Variants in CCDC198 observed in about 807,000 individuals in gnomAD.
CCDC198 encodes factor associated with metabolism and energy.
In CCDC198, 18 loss-of-function variants were observed where a neutral mutation model predicts 35.6. The observed-to-expected ratio is 0.51, with a 90% confidence interval of 0.35 to 0.75. The LOEUF is 0.75. CCDC198 is among the 30% of genes least tolerant of loss of function. The pLI is 0.01. For synonymous variants in CCDC198, 119 were observed against 113.4 expected (o/e 1.05, Z -0.31); for missense variants, 365 against 343.7 (o/e 1.06, Z -0.49).
At chr14:57,488,044 A>T (rs1387092267) in intron 2 of CCDC198, among the ~76,000 whole-genome samples, 2 of 152,162 alleles carry the variant, frequency 1.3e-5, no homozygotes, top group Non-Finnish European at 2.9e-5. Context: ...TCATGAGCAA[A>T]GCTGAGCCGA....
chr14:57,478,043 T>A (rs2067061983), intron 5 of CCDC198, among the ~76,000 whole-genome samples: 1 of 152,202 alleles, frequency 6.6e-6, no homozygotes, highest in Non-Finnish European at 1.5e-5. Context: ...TGTGCACTAC[T>A]GATGCAGCTA....
rs185062695 is a variant in CCDC198 at position 57,473,463 on chromosome 14, G to A, written c.656-1873C>T. 3.6e-3 allele frequency among the ~76,000 whole-genome samples: 542 copies of A among 152,246 alleles called. 5 individuals are homozygous for A. Among genetic ancestry groups the A allele is most frequent in the African/African-American group, 0.012 (517 of 41,546 alleles). ...CCATTGTCTGCCTAATTGTTCAAGA[G>A]AAACCCAGGAATCTACCTGGCCTCC... On this transcript the variant is annotated intron_variant, in intron 5 of 5. Coordinates refer to ENST00000216445, the MANE Select transcript of CCDC198 (RefSeq NM_018168.4).
chr14:57,493,694 T>A lies in CCDC198; in HGVS notation c.22A>T (p.Thr8Ser). ...GCTACTTTGATCACCCTAAGGTGAGTCTTAGAGTGACTCAGGCCCATTTCA... is the reference window on the plus strand; with the variant it reads ...GCTACTTTGATCACCCTAAGGTGAGACTTAGAGTGACTCAGGCCCATTTCA... Reference protein sequence around the residue: MGLSHSKTHLRVIKVAPL... With the variant: MGLSHSKSHLRVIKVAPL... The change falls in exon 1 of 6, where the codon ACT becomes TCT. Residue 8 changes from threonine to serine, a missense_variant. Transcript: ENST00000216445. The A allele has an allele frequency of 1.2e-6, 2 of 1,613,140 alleles. No homozygotes were observed. The highest frequency in any genetic ancestry group is 2.2e-5 in the East Asian group (1 of 44,848).
At chr14:57,474,190 C>T (rs1397594459) in intron 5 of CCDC198, among the ~76,000 whole-genome samples, 1 of 152,180 alleles carries the variant, frequency 6.6e-6, no homozygotes, top group Non-Finnish European at 1.5e-5. Context: ...TTGGTATGTG[C>T]TAAATAAATA....
intron 2 of CCDC198, among the ~76,000 whole-genome samples, chr14:57,489,294 T>C (rs1235455881): frequency 6.6e-6 from 1 of 152,114 alleles, no homozygotes; most frequent in Non-Finnish European, 1.5e-5. Context: ...AAACACTACA[T>C]GTTCTCACTT....
Position 57,478,889 on chromosome 14 carries a change from C to A in CCDC198, c.655+1706G>T, listed in dbSNP as rs1013941067. The A allele has an allele frequency of 7.5e-6, 9 of 1,195,324 alleles. No homozygotes were observed. The African/African-American group carries it at 1.1e-4, about 15-fold the overall frequency. The allele number at this position is 1,195,324 out of a possible 1,614,324, so 74.0% of individuals were successfully genotyped here. ...CAGGCAATTTTGCGTCTTAGAAGTT[C>A]AAGACCTCCAGAGACATAGCCAGCT... is the stretch of plus-strand genomic sequence containing the variant. On this transcript the variant is annotated intron_variant, in intron 5 of 5. Transcript: ENST00000216445.
rs577609146 is a variant in CCDC198, at chr14:57,493,753, A to C, written c.-38T>G. ...ACATTCAGAGGAAAGCTGCGAGGGAAGTGGTTTTGGGGTCTTTAATATAGC... is the reference window on the plus strand; with the variant it reads ...ACATTCAGAGGAAAGCTGCGAGGGACGTGGTTTTGGGGTCTTTAATATAGC... On this transcript the variant is annotated 5_prime_UTR_variant, in exon 1 of 6. Transcript: ENST00000216445. 1.7e-5 allele frequency: 26 copies of C among 1,541,054 alleles called. No individual in the cohort carries two copies. The highest frequency in any genetic ancestry group is 5.3e-5 in the Admixed American group (3 of 57,010).
intron 2 of CCDC198, among the ~76,000 whole-genome samples, chr14:57,486,930 T>G (rs1374131984): frequency 6.6e-6 from 1 of 152,192 alleles, no homozygotes; most frequent in Non-Finnish European, 1.5e-5. Flanking sequence ...GGAATCACAC[T>G]ATTCCTTCAC....
chr14:57,484,474 C>A (rs2067291359), intron 2 of CCDC198, among the ~76,000 whole-genome samples: 1 of 152,172 alleles, frequency 6.6e-6, no homozygotes, highest in South Asian at 2.1e-4. Context: ...ACCCTATGGA[C>A]ACCTTGATCT....
intron 5 of CCDC198, chr14:57,480,218 C>A (rs905072456): frequency 1.0e-5 from 10 of 966,334 alleles, no homozygotes; most frequent in Non-Finnish European, 1.2e-5. Context: ...CATATGGTAC[C>A]AACTCTGCTG....
chr14:57,480,874 AC>A, intron 4 of CCDC198, 120 bp from the exon 5 acceptor site: 1 of 939,916 alleles, frequency 1.1e-6, no homozygotes, highest in Non-Finnish European at 1.6e-6. Context: ...CAGTCCTCTA[AC>A]CAGAACATGG....
At position 57,483,336 on chromosome 14, in the gene CCDC198, G is replaced by T. The variant is rs1017644258; in HGVS notation, c.307-185C>A. 3.7e-6 allele frequency: 3 copies of T among 819,374 alleles called. No individual in the cohort carries two copies. The African/African-American group carries it at 5.2e-5, about 14-fold the overall frequency. 50.8% of individuals were successfully genotyped at this position (819,374 alleles called of 1,614,324 possible). ...ACAAAGGGCTTTTCAACCTATCTGG[G>T]TTCTTTATTATTCTAGTGCACTGTC... On this transcript the variant is annotated intron_variant, in intron 2 of 5. Transcript: ENST00000216445.
chr14:57,480,010 G>T (rs181736469), intron 5 of CCDC198, among the ~76,000 whole-genome samples: 14 of 152,312 alleles, frequency 9.2e-5, no homozygotes, highest in Admixed American at 9.1e-4. Flanking sequence ...TTACTGCTAG[G>T]TGATATCAGC....
At chr14:57,475,579 C>A (rs1307115674) in intron 5 of CCDC198, 1 of 402,814 alleles carries the variant, frequency 2.5e-6, no homozygotes, top group South Asian at 2.0e-5. Context: ...TGGTGGCAGG[C>A]ACCTGTAATC....
At position 57,493,593 on chromosome 14, in the gene CCDC198, T is replaced by C. The variant is rs762797088; in HGVS notation, c.123A>G (p.Glu41=). The part of the protein sequence containing the change: ...VDFAFNQNLE[E]KTSYSLARLQ... ...GTCTTGCCAGTGAATATGAAGTCTTTTCTTCCAAATTCTGATTGAATGCAA... is the reference window on the plus strand; with the variant it reads ...GTCTTGCCAGTGAATATGAAGTCTTCTCTTCCAAATTCTGATTGAATGCAA... The change falls in exon 1 of 6, where the codon GAA becomes GAG. Residue 41 remains glutamate (E), a synonymous_variant. Transcript: ENST00000216445. The C allele has an allele frequency of 1.2e-6, 2 of 1,613,978 alleles. No individual in the cohort carries two copies. The highest frequency in any genetic ancestry group is 1.7e-6 in the Non-Finnish European group (2 of 1,179,920).
At chr14:57,475,742 C>G (rs1388516791) in intron 5 of CCDC198, 8 of 394,254 alleles carry the variant, frequency 2.0e-5, no homozygotes, top group Non-Finnish European at 3.9e-5. Context: ...TTCTATCCTT[C>G]TTCAGTTTTG....
In CCDC198 at chr14:57,475,133, C is replaced by T. The variant is rs528969077; in HGVS notation, c.656-3543G>A. On this transcript the variant is annotated intron_variant, in intron 5 of 5. Transcript: ENST00000216445. ...AAAATTAGCCGGGCATGGTGGCGGG[C>T]GCCTGTAGTCCCAGCTACTCGGGAG... Among the ~76,000 whole-genome samples, 28 of 151,448 alleles carry T rather than the reference C, an allele frequency of 1.8e-4. No homozygotes were observed. The South Asian group carries it at 3.3e-3, about 18-fold the overall frequency.
chr14:57,489,493 C>T (rs1450349348), intron 2 of CCDC198, among the ~76,000 whole-genome samples: 1 of 152,016 alleles, frequency 6.6e-6, no homozygotes, highest in Non-Finnish European at 1.5e-5. Context: ...TTATAACAAA[C>T]CTACACATCC....
rs1172484397 is a variant in CCDC198, at chr14:57,471,560, T to C, written c.686A>G (p.His229Arg). The C allele has an allele frequency of 6.2e-7, 1 of 1,600,108 alleles. No individual in the cohort carries two copies. Among genetic ancestry groups the C allele is most frequent in the Admixed American group, 1.7e-5 (1 of 57,262 alleles). The change falls in exon 6 of 6, where the codon CAT becomes CGT. Residue 229 changes from histidine (H) to arginine (R), a missense_variant. Physicochemically the swap from His to Arg is conservative, Grantham distance 29 (BLOSUM62 0). Coordinates refer to ENST00000216445, the MANE Select transcript of CCDC198 (RefSeq NM_018168.4). ...GNSKNTEFLKHQAVNNYCPWK... is the reference protein window; with the variant it reads ...GNSKNTEFLKRQAVNNYCPWK... ...GGGACAGTAGTTATTCACTGCTTGATGTTTCAAAAATTCTGTATTCTTTGA... is the reference window on the plus strand; with the variant it reads ...GGGACAGTAGTTATTCACTGCTTGACGTTTCAAAAATTCTGTATTCTTTGA...
Sources: allele counts gnomAD v4.1 joint callset (sites outside exome capture counted in the v4.1 genomes callset), GRCh38; gene constraint gnomAD v4.1.1; transcripts MANE v1.5; gene names NCBI Gene and HGNC (gene_info 2026-07-23, HGNC 2026-07-21).